FBXO17: variants seen among roughly 807,000 people sequenced by gnomAD.
The protein encoded by FBXO17 is F-box only protein 17.
Under a neutral mutation model 34.1 loss-of-function variants are expected in FBXO17, and 43 were observed. That is an observed-to-expected ratio of 1.26 (90% confidence interval 0.99 to 1.62). The LOEUF (loss-of-function observed/expected upper bound fraction) is 1.62, where lower values mean the gene tolerates loss of function less well. FBXO17 is among the 40% of genes most tolerant of loss of function. FBXO17 has a pLI of 0.00. For missense variants in FBXO17, 424 were observed against 386.7 expected (o/e 1.10, Z -0.81); for synonymous variants, 169 against 166.0 (o/e 1.02, Z -0.14).
intron 5 of FBXO17, among the ~76,000 whole-genome samples, chr19:38,944,440 C>A (rs1387398247): frequency 6.6e-6 from 1 of 151,914 alleles, no homozygotes; most frequent in African/African-American, 2.4e-5. Context: ...ATGGAGGTCT[C>A]GCTATATTGC....
chr19:38,946,589 G>C (rs1568438129), intron 3 of FBXO17, 22 bp from the exon 4 acceptor site: 1 of 1,610,996 alleles, frequency 6.2e-7, no homozygotes, highest in Non-Finnish European at 8.5e-7. Flanking sequence ...AGATGGCAGG[G>C]GGCAGGGCAA....
chr19:38,944,051 ATCT>A (rs1286129530), intron 5 of FBXO17, among the ~76,000 whole-genome samples: 1 of 152,136 alleles, frequency 6.6e-6, no homozygotes, highest in African/African-American at 2.4e-5. Flanking sequence ...GCAGTCGCCA[ATCT>A]TCTTAGTGTA....
chr19:38,951,091 G>GT (rs1359059713), intron 1 of FBXO17, among the ~76,000 whole-genome samples: 1 of 152,088 alleles, frequency 6.6e-6, no homozygotes, highest in Non-Finnish European at 1.5e-5. Context: ...CGCCCAGCCT[G>GT]TTTTTTCAAA....
intron 1 of FBXO17, among the ~76,000 whole-genome samples, chr19:38,951,862 T>C (rs1358871662): frequency 2.0e-5 from 3 of 151,568 alleles, no homozygotes; most frequent in Admixed American, 6.6e-5. Flanking sequence ...TTGGCCATGC[T>C]AGTCTCGAAC....
intron 2 of FBXO17, chr19:38,949,732 C>T (rs1179442420): frequency 6.8e-6 from 4 of 584,866 alleles, no homozygotes; most frequent in Non-Finnish European, 1.2e-5. Flanking sequence ...TTGCTTTCTC[C>T]CCCGGCCCAG....
intron 1 of FBXO17, among the ~76,000 whole-genome samples, chr19:38,960,718 G>A (rs564105397): frequency 1.3e-5 from 2 of 151,794 alleles, no homozygotes; most frequent in Admixed American, 6.6e-5. Flanking sequence ...ATGTTGGCCA[G>A]GCTGGTCTTG....
chr19:38,942,784 C>T (rs1974912410), intron 5 of FBXO17, 33 bp from the exon 6 acceptor site: 1 of 1,578,368 alleles, frequency 6.3e-7, no homozygotes, highest in African/African-American at 1.4e-5. Context: ...AGGGTGAGGG[C>T]CTGCGGGCCC....
Position 38,970,700 on chromosome 19 carries a change from C to T in FBXO17, c.-18+4886G>A, listed in dbSNP as rs550792667. The stretch of plus-strand genomic sequence containing the variant: ...CTTTAGTTACTCCCCTGAGAATGAA[C>T]GTGCATTTCACTGAAGGCCTATTAG... On this transcript the variant is annotated intron_variant, in intron 1 of 5. Transcript: ENST00000292852. 7.2e-5 allele frequency among the ~76,000 whole-genome samples: 11 copies of T among 152,274 alleles called. No individual in the cohort carries two copies. The East Asian group carries it at 1.2e-3, about 16-fold the overall frequency.
chr19:38,973,940 G>A (rs981076507), intron 1 of FBXO17, among the ~76,000 whole-genome samples: 6 of 150,888 alleles, frequency 4.0e-5, no homozygotes, highest in African/African-American at 9.7e-5. Context: ...CCATGATTAC[G>A]ACACTGTACT....
rs555856992 is a variant in FBXO17, at chr19:38,942,560, G to A, written c.*48C>T. The A allele has an allele frequency of 1.5e-5, 23 of 1,485,878 alleles. No homozygotes were observed. The Admixed American group carries it at 2.3e-4, about 15-fold the overall frequency. The allele number at this position is 1,485,878 out of a possible 1,614,324, so 92.0% of individuals were successfully genotyped here. ...TCCACAGGTGTGAGCCACTGCACCT[G>A]GCTGCAAGGCTGGTCTTGACTGACA... is the stretch of plus-strand genomic sequence containing the variant. On this transcript the variant is annotated 3_prime_UTR_variant, in exon 6 of 6. Transcript: ENST00000292852.
At chr19:38,968,860 A>T (rs1975354242) in intron 1 of FBXO17, among the ~76,000 whole-genome samples, 1 of 152,192 alleles carries the variant, frequency 6.6e-6, no homozygotes. Context: ...TTTTGATCAG[A>T]AAGTAGATTA....
chr19:38,970,973 C>T (rs1429783061), intron 1 of FBXO17, among the ~76,000 whole-genome samples: 1 of 151,750 alleles, frequency 6.6e-6, no homozygotes, highest in African/African-American at 2.4e-5. Flanking sequence ...GTGGTGCATG[C>T]CTATAATCAC....
rs1478474099 is a variant in FBXO17 at position 38,950,099 on chromosome 19, A to G, written c.221T>C (p.Leu74Pro). 1.3e-6 allele frequency: 2 copies of G among 1,564,714 alleles called. No individual in the cohort carries two copies. The highest frequency in any genetic ancestry group is 2.7e-5 in the African/African-American group (2 of 73,594). ...ARDRSAEGRA[L>P]YAVAQRCLPS... Reference sequence around the variant, plus strand: ...CAGGCAGCGTTGAGCCACTGCGTAGAGTGCGCGGCCCTCGGCGCTGCGGTC... The same window carrying G: ...CAGGCAGCGTTGAGCCACTGCGTAGGGTGCGCGGCCCTCGGCGCTGCGGTC... Residue 74 changes from leucine (L) to proline (P), a missense_variant, in exon 2 of 6, where the codon CTC (leucine) becomes CCC (proline). By Grantham distance (98) the Leu-to-Pro change is moderately conservative. Transcript: ENST00000292852.
chr19:38,972,042 G>C (rs1363336219), intron 1 of FBXO17, among the ~76,000 whole-genome samples: 1 of 152,058 alleles, frequency 6.6e-6, no homozygotes, highest in Non-Finnish European at 1.5e-5. Flanking sequence ...ACGTGCCCAA[G>C]GTCACCCAAC....
At chr19:38,973,188 C>T (rs1975412355) in intron 1 of FBXO17, among the ~76,000 whole-genome samples, 1 of 152,182 alleles carries the variant, frequency 6.6e-6, no homozygotes, top group Non-Finnish European at 1.5e-5. Flanking sequence ...GGCTGACCAA[C>T]ACGGTGAAAC....
At chr19:38,963,281 G>T (rs1212777947) in intron 1 of FBXO17, among the ~76,000 whole-genome samples, 2 of 148,400 alleles carry the variant, frequency 1.3e-5, no homozygotes, top group African/African-American at 2.5e-5. Context: ...CATAATGTCC[G>T]TGTGATTCAC....
At chr19:38,958,294 C>T (rs1457432939) in intron 1 of FBXO17, among the ~76,000 whole-genome samples, 1 of 150,490 alleles carries the variant, frequency 6.6e-6, no homozygotes, top group Non-Finnish European at 1.5e-5. Flanking sequence ...CCTGTAGTCC[C>T]AGCTACTTGG....
intron 5 of FBXO17, 83 bp from the exon 6 acceptor site, chr19:38,942,834 G>C: frequency 6.6e-7 from 1 of 1,510,140 alleles, no homozygotes; most frequent in Non-Finnish European, 8.8e-7. Flanking sequence ...CCAAAGGACT[G>C]AGGAGGTGCC....
chr19:38,958,406 CAAAAAAAAAAA>C (rs61007658), intron 1 of FBXO17, among the ~76,000 whole-genome samples: 1 of 98,738 alleles, frequency 1.0e-5, no homozygotes, highest in Admixed American at 1.3e-4. Flanking sequence ...GAAACTGTCT[CAAAAAAAAAAA>C]AAAAAAAAAA....
Sources: allele counts gnomAD v4.1 joint callset (sites outside exome capture counted in the v4.1 genomes callset), GRCh38; gene constraint gnomAD v4.1.1; transcripts MANE v1.5; gene names NCBI Gene and HGNC (gene_info 2026-07-23, HGNC 2026-07-21).